XPO1: variants seen among roughly 807,000 people sequenced by gnomAD.
XPO1 encodes exportin-1.
XPO1 carries 5 observed loss-of-function variants against 133.3 expected under a neutral mutation model. The ratio of observed to expected loss-of-function variants is 0.04; its 90% CI spans 0.02 to 0.08. The LOEUF is 0.08. Ranked by LOEUF, XPO1 falls within the 10% of genes least tolerant of loss-of-function variation. The probability of loss-of-function intolerance (pLI) is 1.00; values close to 1 mark genes in which losing one functional copy is unlikely to be tolerated. For synonymous variants in XPO1, 419 were observed against 408.2 expected (o/e 1.03, Z -0.32); for missense variants, 506 against 1,267.5 (o/e 0.40, Z 9.12).
At chr2:61,518,238 G>C (rs1213883052) in intron 4 of XPO1, among the ~76,000 whole-genome samples, 3 of 151,750 alleles carry the variant, frequency 2.0e-5, no homozygotes, top group East Asian at 1.9e-4. Context: ...GAGCAACAGA[G>C]TGAAACCCTA....
At chr2:61,531,970 T>C (rs1295501470) in intron 2 of XPO1, among the ~76,000 whole-genome samples, 2 of 152,210 alleles carry the variant, frequency 1.3e-5, no homozygotes, top group Admixed American at 1.3e-4. Context: ...TTCAAGTTTC[T>C]ACTATAGTAA....
chr2:61,523,298 A>T (rs528448361), intron 3 of XPO1, among the ~76,000 whole-genome samples: 2 of 152,376 alleles, frequency 1.3e-5, no homozygotes, highest in Admixed American at 6.5e-5. Flanking sequence ...CACAGTCAAA[A>T]TAATCACAAA....
intron 19 of XPO1, 150 bp from the exon 20 acceptor site, chr2:61,486,112 AAC>A: frequency 1.3e-6 from 1 of 747,774 alleles, no homozygotes; most frequent in Non-Finnish European, 2.1e-6. Flanking sequence ...CCTACGTCAA[AAC>A]AGTTTTTAGC....
chr2:61,518,457 C>G (rs1698519071), intron 4 of XPO1, among the ~76,000 whole-genome samples: 1 of 137,436 alleles, frequency 7.3e-6, no homozygotes, highest in South Asian at 2.3e-4. Flanking sequence ...CACACACACA[C>G]ACACACAAAG....
chr2:61,498,283 G>A (rs1389003648), intron 9 of XPO1, among the ~76,000 whole-genome samples: 3 of 152,116 alleles, frequency 2.0e-5, no homozygotes, highest in South Asian at 2.1e-4. Context: ...AGTAGAGACC[G>A]GTTTCACCAA....
chr2:61,489,803 C>T (rs1696882307), intron 17 of XPO1, among the ~76,000 whole-genome samples: 1 of 152,086 alleles, frequency 6.6e-6, no homozygotes, highest in Non-Finnish European at 1.5e-5. Flanking sequence ...ATCCGCCTGC[C>T]TCGGCCTCCC....
intron 11 of XPO1, 103 bp downstream of exon 11, chr2:61,495,352 A>T: frequency 1.1e-6 from 1 of 901,526 alleles, no homozygotes. Context: ...AATATTAAGT[A>T]ATAAGAAATC....
At position 61,538,195 on chromosome 2, in the gene XPO1, T is replaced by C. The variant is rs1358923471; in HGVS notation, c.-640A>G. 9.1e-6 allele frequency: 2 copies of C among 220,248 alleles called. No homozygotes were observed. 13.6% of individuals were successfully genotyped at this position (220,248 alleles called of 1,614,324 possible). On this transcript the variant is annotated 5_prime_UTR_variant, in exon 1 of 25. Transcript: ENST00000401558. ...CCGGGGCTGTAGCTACTGTTGCTCTTGCTGATGCTGTAGCTCCCGCTGCTC... is the reference window on the plus strand; with the variant it reads ...CCGGGGCTGTAGCTACTGTTGCTCTCGCTGATGCTGTAGCTCCCGCTGCTC...
chr2:61,485,881 C>T lies in XPO1; in HGVS notation c.2395G>A (p.Glu799Lys). Residue 799 changes from glutamate to lysine, a missense_variant, in exon 20 of 25, where the codon GAA becomes AAA. Glu to Lys is a moderately conservative substitution (Grantham distance 56, BLOSUM62 1). Coordinates refer to ENST00000401558, the MANE Select transcript of XPO1 (RefSeq NM_003400.4). ...QRNVPAAREP[E>K]VLSTMAIIVN... ...ATTATGGCCATAGTACTAAGCACTT[C>T]TGGTTCTCTAGCAGCTGGGACATTT... The T allele has an allele frequency of 6.2e-7, 1 of 1,614,116 alleles. No homozygotes were observed.
chr2:61,533,971 T>C (rs1699263615), intron 1 of XPO1, 68 bp from the exon 2 acceptor site: 1 of 1,317,434 alleles, frequency 7.6e-7, no homozygotes, highest in Non-Finnish European at 9.9e-7. Context: ...TTCCTACAAG[T>C]TATTTTACTT....
Position 61,490,655 on chromosome 2 carries a change from T to C in XPO1, c.2009A>G (p.Gln670Arg). ...LPNQVWDSII[Q>R]QATKNVDILK... ...AGAAATACTTACTTTGGTTGCCTGC[T>C]GGATTATACTATCCCACACTTGATT... The change falls in exon 17 of 25, where the codon CAG becomes CGG. Residue 670 changes from glutamine (Q) to arginine (R), a missense_variant. Around this residue, in one of 6 missense-constraint regions of XPO1, gnomAD observed 60 missense variants for 211.0 expected, o/e 0.28. Coordinates refer to ENST00000401558, the MANE Select transcript of XPO1 (RefSeq NM_003400.4). The C allele has an allele frequency of 6.2e-7, 1 of 1,613,942 alleles. No homozygotes were observed. The highest frequency in any genetic ancestry group is 8.5e-7 in the Non-Finnish European group (1 of 1,179,980).
intron 18 of XPO1, 56 bp from the exon 19 acceptor site, chr2:61,488,327 C>G (rs1573116696): frequency 6.8e-7 from 1 of 1,476,160 alleles, no homozygotes; most frequent in African/African-American, 1.4e-5. Flanking sequence ...TACAGTGGTA[C>G]TCAGGTGTAC....
intron 2 of XPO1, among the ~76,000 whole-genome samples, chr2:61,532,989 G>A (rs151247814): frequency 0.012 from 1,891 of 152,072 alleles, 14 homozygotes; most frequent in Non-Finnish European, 0.021. Flanking sequence ...GACCAGCCTG[G>A]CCAACACGGT....
intron 4 of XPO1, among the ~76,000 whole-genome samples, chr2:61,518,881 G>A (rs1698544181): frequency 2.0e-5 from 3 of 152,148 alleles, no homozygotes; most frequent in Admixed American, 1.3e-4. Flanking sequence ...TTATTATCTC[G>A]CCATTTCTCT....
intron 12 of XPO1, 118 bp downstream of exon 12, chr2:61,493,776 G>A (rs1253646730): frequency 2.8e-6 from 3 of 1,080,294 alleles, no homozygotes; most frequent in Non-Finnish European, 4.1e-6. Context: ...CACTCATGGA[G>A]AAGTTGTTGG....
At position 61,522,696 on chromosome 2, in the gene XPO1, G is replaced by A. The variant is rs199640199; in HGVS notation, c.229-13C>T. On this transcript the variant is annotated splice_polypyrimidine_tract_variant and intron_variant, in intron 3 of 24. Coordinates refer to ENST00000401558, the MANE Select transcript of XPO1 (RefSeq NM_003400.4). ...GTAGTCCATAGTACTGAAAATTGGA[G>A]AATAGAAGCATGTGAATATATTGCT... is the stretch of plus-strand genomic sequence containing the variant. The A allele has an allele frequency of 6.3e-7, 1 of 1,596,112 alleles. No homozygotes were observed. The highest frequency in any genetic ancestry group is 1.1e-5 in the South Asian group (1 of 90,478).
chr2:61,523,835 T>G (rs1008036979), intron 3 of XPO1, among the ~76,000 whole-genome samples: 1 of 152,202 alleles, frequency 6.6e-6, no homozygotes, highest in African/African-American at 2.4e-5. Flanking sequence ...ATTTTAACAT[T>G]TCACACTCTT....
At chr2:61,514,572 G>A (rs1255145737) in intron 4 of XPO1, among the ~76,000 whole-genome samples, 3 of 146,256 alleles carry the variant, frequency 2.1e-5, no homozygotes, top group South Asian at 2.1e-4. Context: ...CAGCCTGGGC[G>A]ACAGAGCAAG....
intron 4 of XPO1, 166 bp from the exon 5 acceptor site, chr2:61,502,476 G>A (rs961706057): frequency 1.1e-5 from 7 of 619,468 alleles, no homozygotes; most frequent in African/African-American, 9.4e-5. Context: ...CCGGCCCGGT[G>A]CGGTGGCTCA....
Sources: allele counts gnomAD v4.1 joint callset (sites outside exome capture counted in the v4.1 genomes callset), GRCh38; gene constraint gnomAD v4.1.1; regional missense constraint gnomAD v4.1.1; transcripts MANE v1.5; gene names NCBI Gene and HGNC (gene_info 2026-07-23, HGNC 2026-07-21).